The following LRP1B variants were observed in gnomAD, a reference collection of about 807,000 sequenced individuals.
The protein encoded by LRP1B is low-density lipoprotein receptor-related protein 1B.
LRP1B carries 217 observed loss-of-function variants against 556.6 expected under a neutral mutation model. The observed-to-expected ratio is 0.39, with a 90% CI of 0.35 to 0.44. The LOEUF is 0.44. Among genes scored for constraint, LRP1B ranks in the 20% least tolerant of loss-of-function variants. The pLI, the probability that LRP1B is intolerant of heterozygous loss-of-function variation, is 1.00. For synonymous variants in LRP1B, 2,047 were observed against 1,865.8 expected (o/e 1.10, Z -2.50); for missense variants, 5,053 against 5,620.8 (o/e 0.90, Z 3.23).
chr2:140,561,942 A>G (rs1680946776), intron 43 of LRP1B, among the ~76,000 whole-genome samples: 1 of 152,116 alleles, frequency 6.6e-6, no homozygotes, highest in African/African-American at 2.4e-5. Context: ...AAAAAAGATT[A>G]ATGTAATTTA....
At chr2:140,630,253 T>G (rs1260540884) in intron 41 of LRP1B, among the ~76,000 whole-genome samples, 1 of 152,162 alleles carries the variant, frequency 6.6e-6, no homozygotes, top group Non-Finnish European at 1.5e-5. Flanking sequence ...ATAAATGTTG[T>G]GAGCCACAGT....
chr2:141,627,210 G>A (rs114494756), intron 2 of LRP1B, among the ~76,000 whole-genome samples: 5,259 of 152,264 alleles, frequency 0.035, 172 homozygotes, highest in South Asian at 0.15. Context: ...GCTACATACT[G>A]TTGATTCCAG....
intron 2 of LRP1B, among the ~76,000 whole-genome samples, chr2:141,519,402 TG>T (rs1309074250): frequency 0.053 from 1,573 of 29,516 alleles, 79 homozygotes; most frequent in South Asian, 0.12. Context: ...TATATATATA[TG>T]AAATGCAATA....
At position 141,164,547 on chromosome 2, in the gene LRP1B, T is replaced by C. The variant is rs546387939; in HGVS notation, c.1013+23874A>G. Among the ~76,000 whole-genome samples the C allele has an allele frequency of 8.7e-4, 133 of 152,242 alleles. 1 individual carries two copies. Among genetic ancestry groups the C allele is most frequent in the Non-Finnish European group, 9.4e-4 (64 of 67,994 alleles). The stretch of plus-strand genomic sequence containing the variant: ...ATGCTGCTTTTGAATGTTAGAGAAG[T>C]GATTTTTCTTACAGTTTCATAAAAC... On this transcript the variant is annotated intron_variant, in intron 7 of 90. Transcript: ENST00000389484.
rs565829449 is a variant in LRP1B, at chr2:142,083,233, T to C, written c.82+47415A>G. 2.0e-5 allele frequency among the ~76,000 whole-genome samples: 3 copies of C among 152,294 alleles called. No individual in the cohort carries two copies. In the South Asian group the frequency reaches 6.2e-4, roughly 32 times the overall value. On this transcript the variant is annotated intron_variant, in intron 1 of 90. Transcript: ENST00000389484. Reference sequence around the variant, plus strand: ...TAAAGAAAAACATTGAGTTCCATCTTCTCTCTTCATCTCACTACTTCCAAC... The same window carrying C: ...TAAAGAAAAACATTGAGTTCCATCTCCTCTCTTCATCTCACTACTTCCAAC...
chr2:141,099,616 T>C (rs1378651806), intron 7 of LRP1B, among the ~76,000 whole-genome samples: 6 of 152,212 alleles, frequency 3.9e-5, no homozygotes, highest in Non-Finnish European at 7.3e-5. Context: ...GACATCTACA[T>C]GCACATATAC....
At chr2:140,748,780 AT>A (rs1688452060) in intron 35 of LRP1B, among the ~76,000 whole-genome samples, 1 of 50,978 alleles carries the variant, frequency 2.0e-5, no homozygotes, top group African/African-American at 5.7e-5. Flanking sequence ...TATAATATGT[AT>A]ATAATATATA....
chr2:140,963,512 T>C (rs1017620686), intron 18 of LRP1B, among the ~76,000 whole-genome samples: 2 of 152,130 alleles, frequency 1.3e-5, no homozygotes, highest in Non-Finnish European at 1.5e-5. Context: ...TAATTCATGT[T>C]TACTCTTGAT....
intron 1 of LRP1B, among the ~76,000 whole-genome samples, chr2:141,915,580 A>C (rs1161082684): frequency 6.6e-6 from 1 of 152,196 alleles, no homozygotes; most frequent in Non-Finnish European, 1.5e-5. Context: ...AAAAATTTAC[A>C]AGTGAAATCT....
intron 5 of LRP1B, among the ~76,000 whole-genome samples, chr2:141,231,914 A>G (rs765657861): frequency 1.3e-5 from 2 of 152,164 alleles, no homozygotes; most frequent in African/African-American, 2.4e-5. Context: ...TTTCTTCCCA[A>G]TGGAGAAAAT....
chr2:140,385,248 A>C (rs2105197072), intron 67 of LRP1B, among the ~76,000 whole-genome samples: 1 of 152,284 alleles, frequency 6.6e-6, no homozygotes, highest in Admixed American at 6.5e-5. Context: ...CTCTCTCAAA[A>C]AATACATATA....
At position 140,477,362 on chromosome 2, in the gene LRP1B, T is replaced by C. The variant is rs148909622; in HGVS notation, c.9426-2025A>G. Among the ~76,000 whole-genome samples the C allele has an allele frequency of 4.5e-3, 684 of 152,162 alleles. 13 individuals carry two copies. Among genetic ancestry groups the C allele is most frequent in the Admixed American group, 0.034 (515 of 15,284 alleles). ...TATACCATGTTATGTTTTTTAAGAA[T>C]TGCATATAAGAAAATAAAAATTAAA... On this transcript the variant is annotated intron_variant, in intron 59 of 90. Coordinates refer to ENST00000389484, the MANE Select transcript of LRP1B (RefSeq NM_018557.3).
chr2:140,378,586 A>C (rs1481880499), intron 67 of LRP1B, among the ~76,000 whole-genome samples: 1 of 152,204 alleles, frequency 6.6e-6, no homozygotes, highest in East Asian at 1.9e-4. Context: ...CTATTGTCAT[A>C]CTGTAACAAT....
intron 27 of LRP1B, among the ~76,000 whole-genome samples, chr2:140,855,505 A>AAAAAAAAAAAAAAAAT (rs1692590373): frequency 1.3e-5 from 2 of 150,648 alleles, no homozygotes; most frequent in African/African-American, 4.9e-5. Flanking sequence ...AAAAAAAAAA[A>AAAAAAAAAAAAAAAAT]TTTGAATGGC....
At chr2:140,398,776 G>A (rs187046681) in intron 66 of LRP1B, among the ~76,000 whole-genome samples, 68 of 152,164 alleles carry the variant, frequency 4.5e-4, no homozygotes, top group Non-Finnish European at 5.6e-4. Context: ...AACAAATTCT[G>A]AAACTGAAGA....
intron 25 of LRP1B, among the ~76,000 whole-genome samples, chr2:140,870,747 T>C (rs1439860746): frequency 6.6e-6 from 1 of 152,150 alleles, no homozygotes; most frequent in Non-Finnish European, 1.5e-5. Flanking sequence ...TTGACTTCTA[T>C]TATTCTGTAT....
chr2:141,920,280 G>GGC (rs1558962090), intron 1 of LRP1B, among the ~76,000 whole-genome samples: 1 of 90,090 alleles, frequency 1.1e-5, no homozygotes, highest in African/African-American at 4.5e-5. Context: ...CTTTTTTTTT[G>GGC]GGGGGGGGTG....
intron 2 of LRP1B, among the ~76,000 whole-genome samples, chr2:141,569,599 A>G (rs564456009): frequency 2.0e-5 from 3 of 151,298 alleles, no homozygotes; most frequent in African/African-American, 4.8e-5. Flanking sequence ...ACAGAATAAT[A>G]GAAATGTTTT....
chr2:141,764,653 T>C (rs1694675012), intron 2 of LRP1B, among the ~76,000 whole-genome samples: 1 of 151,918 alleles, frequency 6.6e-6, no homozygotes, highest in African/African-American at 2.4e-5. Flanking sequence ...TTCCAGCTTC[T>C]AAAACTGTGA....
Sources: allele counts gnomAD v4.1 joint callset (sites outside exome capture counted in the v4.1 genomes callset), GRCh38; gene constraint gnomAD v4.1.1; transcripts MANE v1.5; gene names NCBI Gene and HGNC (gene_info 2026-07-23, HGNC 2026-07-21).